The following SLC17A5 variants were observed in gnomAD, a reference collection of about 807,000 sequenced individuals.
SLC17A5 encodes the protein solute carrier family 17 member 5.
In SLC17A5, 47 loss-of-function variants were observed where a neutral mutation model predicts 59.4. That is an observed-to-expected ratio of 0.79 (90% CI 0.63 to 1.01). The LOEUF (loss-of-function observed/expected upper bound fraction) is 1.01. Ranked by LOEUF, SLC17A5 falls within the 50% of genes least tolerant of loss-of-function variation. The probability of loss-of-function intolerance (pLI) is 0.00; values close to 1 mark genes in which losing one functional copy is unlikely to be tolerated. For synonymous variants in SLC17A5, 202 were observed against 210.7 expected, an observed-to-expected ratio of 0.96 and a Z score of 0.36; for missense variants, 522 against 595.5, an observed-to-expected ratio of 0.88 and a Z score of 1.28.
intron 8 of SLC17A5, among the ~76,000 whole-genome samples, chr6:73,613,256 T>C (rs1256602714): frequency 6.6e-6 from 1 of 152,206 alleles, no homozygotes; most frequent in Non-Finnish European, 1.5e-5. Context: ...AAAATCTTCA[T>C]TGCAAAGTCT....
chr6:73,628,557 G>A (rs1768543091), intron 6 of SLC17A5, among the ~76,000 whole-genome samples: 1 of 151,948 alleles, frequency 6.6e-6, no homozygotes, highest in Non-Finnish European at 1.5e-5. Flanking sequence ...GGGAACAGAG[G>A]GAGACTCTGT....
At position 73,605,752 on chromosome 6, in the gene SLC17A5, C is replaced by T. The variant is rs1218129708; in HGVS notation, c.1259+4648G>A. ...TAGCACTTTGGGAGGTTGAGGCTGGCGGATCACCTGAGGTCGGGAGTTCGA... is the reference window on the plus strand; with the variant it reads ...TAGCACTTTGGGAGGTTGAGGCTGGTGGATCACCTGAGGTCGGGAGTTCGA... On this transcript the variant is annotated intron_variant, in intron 9 of 10. Transcript: ENST00000355773. Among the ~76,000 whole-genome samples, 5 of 151,882 alleles carry T rather than the reference C, an allele frequency of 3.3e-5. No individual in the cohort carries two copies. The East Asian group carries it at 9.7e-4, about 30-fold the overall frequency.
chr6:73,618,818 A>G (rs1767997738), intron 7 of SLC17A5, among the ~76,000 whole-genome samples: 1 of 151,996 alleles, frequency 6.6e-6, no homozygotes, highest in South Asian at 2.1e-4. Context: ...TCTGCCTCCC[A>G]GGTTCAAGGA....
At chr6:73,601,147 T>G (rs1767054880) in intron 9 of SLC17A5, among the ~76,000 whole-genome samples, 1 of 147,456 alleles carries the variant, frequency 6.8e-6, no homozygotes. Context: ...GGAGCGTCTC[T>G]GCCCGGCCGC....
rs1768946098 is a variant in SLC17A5, at chr6:73,635,377, C to T, written c.819+5G>A. On this transcript the variant is annotated splice_donor_5th_base_variant and intron_variant, in intron 6 of 10. Transcript: ENST00000355773. ...ATTATTTTTAAAATGTGTCAAAGTC[C>T]ATACCTGATTTCTTAATGATGAAAG... The T allele has an allele frequency of 1.4e-6, 2 of 1,426,360 alleles. No homozygotes were observed. Among genetic ancestry groups the T allele is most frequent in the Non-Finnish European group, 2.0e-6 (2 of 1,013,158 alleles). 88.4% of individuals were successfully genotyped at this position (1,426,360 alleles called of 1,614,324 possible).
intron 9 of SLC17A5, among the ~76,000 whole-genome samples, chr6:73,602,840 T>C (rs1265741026): frequency 1.3e-5 from 2 of 151,812 alleles, no homozygotes; most frequent in Non-Finnish European, 2.9e-5. Context: ...TTTATAGTGA[T>C]ATAGGAAAGT....
intron 9 of SLC17A5, among the ~76,000 whole-genome samples, chr6:73,607,704 T>A (rs972092195): frequency 6.6e-6 from 1 of 152,148 alleles, no homozygotes; most frequent in African/African-American, 2.4e-5. Context: ...CCTTTCAGAT[T>A]TATTAAATGG....
chr6:73,653,168 T>C, intron 1 of SLC17A5: 5 of 985,404 alleles, frequency 5.1e-6, no homozygotes, highest in Non-Finnish European at 6.0e-6. Flanking sequence ...CTGCACAATG[T>C]CAAGATATCA....
chr6:73,644,753 T>C (rs897714816), intron 1 of SLC17A5, 150 bp from the exon 2 acceptor site: 7 of 649,964 alleles, frequency 1.1e-5, no homozygotes, highest in African/African-American at 7.3e-5. Flanking sequence ...ATTATAGGCA[T>C]TGGCCACCAT....
intron 2 of SLC17A5, among the ~76,000 whole-genome samples, chr6:73,643,298 C>G (rs1452439267): frequency 1.3e-5 from 2 of 149,276 alleles, no homozygotes; most frequent in Non-Finnish European, 3.0e-5. Context: ...GTAGCTGGGA[C>G]CACAGGCGCC....
chr6:73,626,571 T>TA (rs1378703794), intron 6 of SLC17A5, among the ~76,000 whole-genome samples: 2 of 152,182 alleles, frequency 1.3e-5, no homozygotes, highest in African/African-American at 2.4e-5. Context: ...CAGACATTTA[T>TA]AAAAAAATCC....
intron 5 of SLC17A5, 50 bp downstream of exon 5, chr6:73,636,571 T>G: frequency 1.9e-6 from 2 of 1,048,152 alleles, no homozygotes; most frequent in Non-Finnish European, 1.5e-6. Flanking sequence ...GCTACTATTA[T>G]TACATTTTGA....
chr6:73,620,807 C>T (rs910626672), intron 7 of SLC17A5, among the ~76,000 whole-genome samples: 2 of 151,582 alleles, frequency 1.3e-5, no homozygotes, highest in South Asian at 2.1e-4. Flanking sequence ...CTGCAACCTT[C>T]GCCTCCTGGG....
At chr6:73,648,590 A>C (rs1303368806) in intron 1 of SLC17A5, among the ~76,000 whole-genome samples, 2 of 152,200 alleles carry the variant, frequency 1.3e-5, no homozygotes, top group Non-Finnish European at 2.9e-5. Context: ...CTGCATGGGG[A>C]TTAAATGAAA....
Position 73,618,334 on chromosome 6 carries a change from G to A in SLC17A5, c.979-2887C>T, listed in dbSNP as rs1767974105. 3 of 240,174 alleles carry A rather than the reference G, an allele frequency of 1.2e-5. No individual in the cohort carries two copies. In the East Asian group the frequency reaches 2.4e-4, roughly 19 times the overall value. 14.9% of individuals were successfully genotyped at this position (240,174 alleles called of 1,614,324 possible). On this transcript the variant is annotated intron_variant, in intron 7 of 10. Transcript: ENST00000355773. ...GAGTTTCTGGTTGTGACGACCTACC[G>A]ACGAGAACACACCTCTTGCAAAAAA...
chr6:73,607,565 C>T (rs1581960515), intron 9 of SLC17A5, among the ~76,000 whole-genome samples: 3 of 152,136 alleles, frequency 2.0e-5, no homozygotes, highest in African/African-American at 4.8e-5. Context: ...TACACCCGGC[C>T]GACCATAGCT....
At chr6:73,637,244 A>G (rs1456223327) in intron 4 of SLC17A5, among the ~76,000 whole-genome samples, 1 of 152,222 alleles carries the variant, frequency 6.6e-6, no homozygotes, top group Non-Finnish European at 1.5e-5. Flanking sequence ...AGCTGGAAAA[A>G]TAGGTTGGAC....
At chr6:73,637,832 G>A (rs546913661) in intron 4 of SLC17A5, among the ~76,000 whole-genome samples, 8 of 152,078 alleles carry the variant, frequency 5.3e-5, no homozygotes, top group African/African-American at 1.9e-4. Context: ...TTTAGTCAAT[G>A]AAAGAAAGGC....
chr6:73,607,275 T>C (rs1340122729), intron 9 of SLC17A5, among the ~76,000 whole-genome samples: 2 of 145,754 alleles, frequency 1.4e-5, no homozygotes, highest in African/African-American at 2.6e-5. Context: ...CTTTTGACAA[T>C]AGCACTATTT....
Sources: allele counts gnomAD v4.1 joint callset (sites outside exome capture counted in the v4.1 genomes callset), GRCh38; gene constraint gnomAD v4.1.1; transcripts MANE v1.5; gene names NCBI Gene and HGNC (gene_info 2026-07-23, HGNC 2026-07-21).